The following SELENOF variants were observed in gnomAD, a reference collection of about 807,000 sequenced individuals.
The protein encoded by SELENOF is 15 kDa selenoprotein.
A neutral mutation model predicts 20.5 loss-of-function variants in SELENOF; 16 were observed. The observed-to-expected ratio is 0.78, with a 90% CI of 0.53 to 1.19. The LOEUF (loss-of-function observed/expected upper bound fraction) is 1.19, where lower values mean the gene tolerates loss of function less well. SELENOF is among the 50% of genes most tolerant of loss of function. The probability of loss-of-function intolerance (pLI) is 0.00; values close to 1 mark genes in which losing one functional copy is unlikely to be tolerated. For synonymous variants in SELENOF, 78 were observed against 74.5 expected, an observed-to-expected ratio of 1.05 and a Z score of -0.24; for missense variants, 215 against 194.2, an observed-to-expected ratio of 1.11 and a Z score of -0.64.
At chr1:86,906,290 T>A (rs1461158892) in intron 1 of SELENOF, among the ~76,000 whole-genome samples, 3 of 152,234 alleles carry the variant, frequency 2.0e-5, no homozygotes, top group African/African-American at 7.2e-5. Context: ...CTGCCTCATT[T>A]ATTTCACAGG....
At chr1:86,880,228 C>T (rs1210431714) in intron 3 of SELENOF, among the ~76,000 whole-genome samples, 3 of 152,026 alleles carry the variant, frequency 2.0e-5, no homozygotes, top group African/African-American at 4.8e-5. Flanking sequence ...CTCTGCCTCC[C>T]GGGTTCAAGT....
chr1:86,875,761 A>G (rs1158419520), intron 3 of SELENOF, among the ~76,000 whole-genome samples: 1 of 152,222 alleles, frequency 6.6e-6, no homozygotes, highest in Non-Finnish European at 1.5e-5. Flanking sequence ...ACATAAAGAG[A>G]AAAGTAAAAC....
At chr1:86,894,486 C>A (rs1659470432) in intron 2 of SELENOF, among the ~76,000 whole-genome samples, 1 of 152,086 alleles carries the variant, frequency 6.6e-6, no homozygotes, top group African/African-American at 2.4e-5. Context: ...TTATTCTAAA[C>A]TGACTTTAAA....
intron 2 of SELENOF, among the ~76,000 whole-genome samples, chr1:86,884,122 A>G (rs1035585622): frequency 6.6e-6 from 1 of 152,184 alleles, no homozygotes. Context: ...AAAGCTTCTC[A>G]ATATAGGTGT....
chr1:86,901,747 T>C (rs953967498), intron 2 of SELENOF, among the ~76,000 whole-genome samples: 21 of 152,200 alleles, frequency 1.4e-4, no homozygotes, highest in African/African-American at 5.1e-4. Flanking sequence ...GCAAGTTTGG[T>C]TCTACTAAAA....
At chr1:86,863,798 A>T (rs1321432789) in intron 4 of SELENOF, among the ~76,000 whole-genome samples, 193 bp from the exon 5 acceptor site, 3 of 144,096 alleles carry the variant, frequency 2.1e-5, no homozygotes, top group African/African-American at 8.4e-5. Flanking sequence ...AAGGAGAATT[A>T]AAAAAATCAC....
chr1:86,880,872 A>C, intron 2 of SELENOF, 147 bp from the exon 3 acceptor site: 1 of 478,186 alleles, frequency 2.1e-6, no homozygotes, highest in Non-Finnish European at 3.6e-6. Flanking sequence ...AGACAGGACC[A>C]TGTAGTTCCA....
intron 3 of SELENOF, 71 bp downstream of exon 3, chr1:86,880,591 T>C (rs1021601458): frequency 4.1e-5 from 32 of 785,156 alleles, no homozygotes; most frequent in African/African-American, 8.9e-5. Flanking sequence ...TGGGAATATA[T>C]AGTGAAAACG....
intron 3 of SELENOF, among the ~76,000 whole-genome samples, chr1:86,870,607 G>A (rs1333352924): frequency 6.7e-6 from 1 of 149,494 alleles, no homozygotes; most frequent in African/African-American, 2.5e-5. Context: ...TTAATAAATA[G>A]TTCACTTATT....
At chr1:86,913,904 G>C in intron 1 of SELENOF, 124 bp downstream of exon 1, 1 of 865,570 alleles carries the variant, frequency 1.2e-6, no homozygotes, top group Non-Finnish European at 1.9e-6. Context: ...CATTCTGGCC[G>C]CAGCAGTCAT....
intron 2 of SELENOF, among the ~76,000 whole-genome samples, chr1:86,887,885 T>A (rs1040987515): frequency 2.0e-5 from 3 of 151,694 alleles, no homozygotes; most frequent in Admixed American, 6.6e-5. Flanking sequence ...AAATATCACA[T>A]GATGAAAAAA....
intron 2 of SELENOF, among the ~76,000 whole-genome samples, chr1:86,887,637 C>T (rs1659255083): frequency 6.6e-6 from 1 of 151,902 alleles, no homozygotes; most frequent in African/African-American, 2.4e-5. Flanking sequence ...AACTATGAAA[C>T]CTGAAAGAAA....
intron 2 of SELENOF, among the ~76,000 whole-genome samples, chr1:86,892,269 G>GAGTCTT (rs1421949069): frequency 6.6e-5 from 10 of 152,058 alleles, no homozygotes; most frequent in Non-Finnish European, 1.3e-4. Flanking sequence ...TGCTACTCAG[G>GAGTCTT]AGTCTTAGTG....
chr1:86,876,151 ATG>A (rs1459194855), intron 3 of SELENOF, among the ~76,000 whole-genome samples: 1 of 151,710 alleles, frequency 6.6e-6, no homozygotes, highest in Non-Finnish European at 1.5e-5. Context: ...TTGGATAAAG[ATG>A]TTAAGGTCCT....
intron 2 of SELENOF, among the ~76,000 whole-genome samples, chr1:86,898,778 T>C (rs1659594192): frequency 6.9e-6 from 1 of 144,518 alleles, no homozygotes; most frequent in African/African-American, 2.7e-5. Flanking sequence ...GTTTGTTTGT[T>C]TTTTTTAATT....
intron 2 of SELENOF, among the ~76,000 whole-genome samples, chr1:86,891,846 T>C (rs930053573): frequency 5.3e-5 from 8 of 152,130 alleles, no homozygotes; most frequent in Non-Finnish European, 1.0e-4. Context: ...TATAAATTCA[T>C]TTAAAGTGGT....
chr1:86,912,594 T>C (rs1426920944), intron 1 of SELENOF, among the ~76,000 whole-genome samples: 1 of 152,198 alleles, frequency 6.6e-6, no homozygotes, highest in Non-Finnish European at 1.5e-5. Context: ...TAGCTTTTGC[T>C]CTTTTGGAGT....
chr1:86,897,004 A>T (rs959525401), intron 2 of SELENOF, among the ~76,000 whole-genome samples: 17 of 118,332 alleles, frequency 1.4e-4, no homozygotes, highest in Non-Finnish European at 2.4e-4. Flanking sequence ...ATAAACATTT[A>T]AAAAAAAAAT....
chr1:86,896,970 C>T (rs1346192815), intron 2 of SELENOF, among the ~76,000 whole-genome samples: 12 of 151,990 alleles, frequency 7.9e-5, no homozygotes, highest in Admixed American at 7.9e-4. Context: ...TTATGAAATA[C>T]TGTGTGCTAA....
Sources: gnomAD v4.1 joint callset for allele counts (sites outside exome capture counted in the v4.1 genomes callset) on GRCh38, gnomAD v4.1.1 for gene constraint, MANE v1.5 for transcripts, NCBI Gene and HGNC (gene_info 2026-07-23, HGNC 2026-07-21) for gene names.